The following KANK1 variants were observed in gnomAD, a reference collection of about 807,000 sequenced individuals.
KANK1 encodes the protein KN motif and ankyrin repeat domains 1.
In KANK1, 109 loss-of-function variants were observed where a neutral mutation model predicts 106.2. The ratio of observed to expected loss-of-function variants is 1.03; its 90% CI spans 0.88 to 1.20. The LOEUF (loss-of-function observed/expected upper bound fraction) is 1.20, where lower values mean the gene tolerates loss of function less well. Among genes scored for constraint, KANK1 ranks in the 50% most tolerant of loss-of-function variants. KANK1 has a pLI of 0.00. For synonymous variants in KANK1, 873 were observed against 652.2 expected (o/e 1.34, Z -5.16); for missense variants, 2,399 against 1,710.7 (o/e 1.40, Z -7.10).
intron 2 of KANK1, among the ~76,000 whole-genome samples, chr9:702,368 T>G (rs1822899093): frequency 6.6e-6 from 1 of 152,178 alleles, no homozygotes; most frequent in African/African-American, 2.4e-5. Context: ...CTTTAATTAC[T>G]TTTCTATGCA....
intron 1 of KANK1, among the ~76,000 whole-genome samples, chr9:610,767 G>A (rs1164610221): frequency 6.6e-6 from 1 of 152,148 alleles, no homozygotes; most frequent in Non-Finnish European, 1.5e-5. Flanking sequence ...CTTTAGACTT[G>A]CACATCTGTG....
chr9:493,349 G>A (rs548088624), intron 3 of KANK1, among the ~76,000 whole-genome samples: 2 of 152,220 alleles, frequency 1.3e-5, no homozygotes, highest in South Asian at 4.2e-4. Context: ...CTCCTTAGAA[G>A]AGTGAAGAAG....
rs142210244 is a variant in KANK1, at chr9:711,777, G to A, written c.1011G>A (p.Arg337=). ...CCTCCCAGCTGGAACAGCTCTCCCG[G>A]GCCCGAAGAAGTGGCGGGGAATTAT... ...GNASQLEQLS[R]ARRSGGELYI... The change falls in exon 3 of 12, where the codon CGG becomes CGA. Residue 337 remains arginine (R), a synonymous_variant. Transcript: ENST00000382297. The A allele has an allele frequency of 8.1e-5, 130 of 1,614,090 alleles. No individual in the cohort carries two copies. The Middle Eastern group carries it at 2.0e-3, about 24-fold the overall frequency.
chr9:581,105 C>A (rs533182085), intron 1 of KANK1, among the ~76,000 whole-genome samples: 1 of 152,156 alleles, frequency 6.6e-6, no homozygotes, highest in Admixed American at 6.5e-5. Flanking sequence ...CTACCCAGAA[C>A]TCCTGGCCCG....
intron 1 of KANK1, among the ~76,000 whole-genome samples, chr9:589,365 C>A (rs1824272624): frequency 1.3e-5 from 2 of 152,134 alleles, no homozygotes; most frequent in African/African-American, 2.4e-5. Context: ...TTCATAACAT[C>A]ATGATAAGCT....
At chr9:567,295 C>T (rs1014950397) in intron 1 of KANK1, among the ~76,000 whole-genome samples, 2 of 152,172 alleles carry the variant, frequency 1.3e-5, no homozygotes, top group Admixed American at 6.5e-5. Flanking sequence ...CAGCTTTGTT[C>T]TTTTTGCTTA....
intron 3 of KANK1, among the ~76,000 whole-genome samples, chr9:486,946 G>A (rs917202637): frequency 1.3e-5 from 2 of 152,096 alleles, no homozygotes; most frequent in Non-Finnish European, 2.9e-5. Flanking sequence ...TGACTGCTCT[G>A]CTTTATTGAT....
At chr9:730,414 G>C (rs889762654) in intron 4 of KANK1, 166 bp downstream of exon 4, 18 of 743,838 alleles carry the variant, frequency 2.4e-5, no homozygotes, top group Non-Finnish European at 3.5e-5. Flanking sequence ...CAAAGAGGCC[G>C]GGCATGGTGG....
At chr9:612,994 T>C (rs1004120360) in intron 1 of KANK1, among the ~76,000 whole-genome samples, 3 of 152,162 alleles carry the variant, frequency 2.0e-5, no homozygotes, top group Non-Finnish European at 4.4e-5. Context: ...TATTTATATG[T>C]ACCAAATTAA....
At chr9:592,559 G>T (rs10975310) in intron 1 of KANK1, among the ~76,000 whole-genome samples, 51,050 of 151,444 alleles carry the variant, frequency 0.34, 9,480 homozygotes, top group African/African-American at 0.46. Context: ...GAATCTGCCG[G>T]TCAGACCTGG....
chr9:661,647 G>A (rs1286957718), intron 1 of KANK1, among the ~76,000 whole-genome samples: 2 of 152,020 alleles, frequency 1.3e-5, no homozygotes, highest in Admixed American at 1.3e-4. Context: ...TCCAGTAATG[G>A]GATCACTGGG....
Position 609,971 on chromosome 9 carries a change from C to T in KANK1, c.-83-66919C>T, listed in dbSNP as rs1363514155. On this transcript the variant is annotated intron_variant, in intron 1 of 11. Coordinates refer to ENST00000382297, the MANE Select transcript of KANK1 (RefSeq NM_015158.5). The stretch of plus-strand genomic sequence containing the variant: ...ATTTTTATTTGGAATGCTTGTTTTA[C>T]TTGAGGTGTCAGGACTTTCCACTCA... 3.9e-5 allele frequency among the ~76,000 whole-genome samples: 6 copies of T among 152,176 alleles called. No homozygotes were observed. In the South Asian group the frequency reaches 1.2e-3, roughly 32 times the overall value.
At chr9:500,244 A>G (rs1316191606), upstream of KANK1, among the ~76,000 whole-genome samples, 1 of 152,186 alleles carries the variant, frequency 6.6e-6, no homozygotes, top group Non-Finnish European at 1.5e-5. Context: ...ACACGTGTCA[A>G]ACATCTCTCA....
At chr9:544,969 C>T (rs974506632) in intron 1 of KANK1, among the ~76,000 whole-genome samples, 1 of 152,196 alleles carries the variant, frequency 6.6e-6, no homozygotes, top group Non-Finnish European at 1.5e-5. Flanking sequence ...TGAGGATGGC[C>T]TGAGAACGGA....
intron 1 of KANK1, among the ~76,000 whole-genome samples, chr9:597,918 G>A (rs1404217069): frequency 6.6e-6 from 1 of 151,642 alleles, no homozygotes; most frequent in African/African-American, 2.4e-5. Flanking sequence ...ACCCGCCTCA[G>A]CCTCCCAAAA....
chr9:640,017 A>T (rs1464128979), intron 1 of KANK1, among the ~76,000 whole-genome samples: 1 of 152,124 alleles, frequency 6.6e-6, no homozygotes, highest in Non-Finnish European at 1.5e-5. Flanking sequence ...TCAAAATGTA[A>T]ATCTTGGGAG....
chr9:627,359 ACTCCTAGCCACAGAGCTTCTGCCCC>A (rs369260161), intron 1 of KANK1, among the ~76,000 whole-genome samples: 5,598 of 151,872 alleles, frequency 0.037, 341 homozygotes, highest in African/African-American at 0.13. Flanking sequence ...AGGATTTCTC[ACTCCTAGCCACAGAGCTTCTGCCCC>A]CTCCTAGCCA....
At chr9:729,856 A>G (rs1831724033) in intron 3 of KANK1, among the ~76,000 whole-genome samples, 195 bp from the exon 4 acceptor site, 2 of 152,166 alleles carry the variant, frequency 1.3e-5, no homozygotes, top group Admixed American at 1.3e-4. Context: ...GGTGCTGTGG[A>G]GTTAGAATGA....
chr9:588,731 A>G (rs1205442717), intron 1 of KANK1, among the ~76,000 whole-genome samples: 3 of 152,204 alleles, frequency 2.0e-5, no homozygotes, highest in Admixed American at 2.0e-4. Flanking sequence ...AGAATCGGAT[A>G]GGGCACGGAC....
Sources: allele counts gnomAD v4.1 joint callset (sites outside exome capture counted in the v4.1 genomes callset), GRCh38; gene constraint gnomAD v4.1.1; transcripts MANE v1.5; gene names NCBI Gene and HGNC (gene_info 2026-07-23, HGNC 2026-07-21).